Variants in ADAMTS9 observed in about 807,000 individuals in gnomAD.
ADAMTS9 encodes the protein ADAM metallopeptidase with thrombospondin type 1 motif 9.
ADAMTS9 carries 107 observed loss-of-function variants against 257.1 expected under a neutral mutation model. The observed-to-expected ratio is 0.42, with a 90% CI of 0.36 to 0.49. The LOEUF is 0.49. Ranked by LOEUF, ADAMTS9 falls within the 20% of genes least tolerant of loss-of-function variation. The pLI is 0.03. For synonymous variants in ADAMTS9, 982 were observed against 880.9 expected (o/e 1.11, Z -2.03); for missense variants, 2,353 against 2,469.1 (o/e 0.95, Z 1.00).
intron 16 of ADAMTS9, among the ~76,000 whole-genome samples, chr3:64,630,718 T>C (rs551614371): frequency 1.8e-4 from 28 of 152,318 alleles, no homozygotes; most frequent in African/African-American, 6.7e-4. Flanking sequence ...CAAATCACCA[T>C]GGCACACGTT....
At chr3:64,674,233 G>C (rs1701568951) in intron 3 of ADAMTS9, among the ~76,000 whole-genome samples, 1 of 151,950 alleles carries the variant, frequency 6.6e-6, no homozygotes, top group South Asian at 2.1e-4. Flanking sequence ...TGCTTATATT[G>C]ACTGTTTATT....
At chr3:64,574,559 C>CAAAAA (rs34194727) in intron 28 of ADAMTS9, among the ~76,000 whole-genome samples, 1,792 of 80,642 alleles carry the variant, frequency 0.022, 96 homozygotes, top group African/African-American at 0.065. Flanking sequence ...CCCATCTCTA[C>CAAAAA]AAAAAAAAAA....
At chr3:64,635,495 G>A (rs533152285) in intron 12 of ADAMTS9, among the ~76,000 whole-genome samples, 1 of 152,212 alleles carries the variant, frequency 6.6e-6, no homozygotes, top group African/African-American at 2.4e-5. Flanking sequence ...GTCTACGTCT[G>A]TCTGTTTCTG....
chr3:64,626,454 C>A (rs909466043), intron 16 of ADAMTS9, among the ~76,000 whole-genome samples: 1 of 152,102 alleles, frequency 6.6e-6, no homozygotes, highest in Non-Finnish European at 1.5e-5. Context: ...GTAAATTGCT[C>A]ATTTTGTTAG....
At chr3:64,680,869 A>C (rs1701736436) in intron 3 of ADAMTS9, among the ~76,000 whole-genome samples, 1 of 152,180 alleles carries the variant, frequency 6.6e-6, no homozygotes, top group African/African-American at 2.4e-5. Flanking sequence ...GGGTGCTACT[A>C]TCATGACCTG....
At chr3:64,523,631 A>ATTATTCAT (rs2082877537) in intron 38 of ADAMTS9, among the ~76,000 whole-genome samples, 1 of 152,184 alleles carries the variant, frequency 6.6e-6, no homozygotes, top group South Asian at 2.1e-4. Context: ...TATTCACTGT[A>ATTATTCAT]TTATTCATTT....
chr3:64,550,660 A>C (rs2083258534), intron 31 of ADAMTS9: 4 of 515,118 alleles, frequency 7.8e-6, no homozygotes, highest in Non-Finnish European at 6.8e-6. Context: ...TGAATCACAG[A>C]ATGTAGACCT....
At chr3:64,655,525 C>T in intron 6 of ADAMTS9, 51 bp downstream of exon 6, 1 of 1,442,138 alleles carries the variant, frequency 6.9e-7, no homozygotes, top group East Asian at 2.3e-5. Context: ...GACCACATCC[C>T]ATCAACTTGA....
chr3:64,671,597 T>G (rs1440852881), intron 3 of ADAMTS9, among the ~76,000 whole-genome samples: 1 of 152,248 alleles, frequency 6.6e-6, no homozygotes, highest in Non-Finnish European at 1.5e-5. Flanking sequence ...ACTGCATTTT[T>G]AACATTCATT....
chr3:64,596,189 T>C (rs1174833165), intron 27 of ADAMTS9, among the ~76,000 whole-genome samples: 1 of 152,174 alleles, frequency 6.6e-6, no homozygotes, highest in Non-Finnish European at 1.5e-5. Context: ...TTGGCAAAGA[T>C]ACTACATTAT....
chr3:64,601,795 C>T (rs997767401), intron 26 of ADAMTS9, 149 bp downstream of exon 26: 45 of 919,168 alleles, frequency 4.9e-5, no homozygotes, highest in African/African-American at 1.2e-4. Context: ...CTGTAATTAA[C>T]CCATTACAAG....
At chr3:64,591,306 G>C (rs763021867) in intron 28 of ADAMTS9, among the ~76,000 whole-genome samples, 22 of 152,016 alleles carry the variant, frequency 1.4e-4, no homozygotes, top group Admixed American at 3.3e-4. Flanking sequence ...CAGGTGTGGT[G>C]GTGGGCACCT....
At chr3:64,599,594 T>C (rs1475633178) in intron 26 of ADAMTS9, among the ~76,000 whole-genome samples, 1 of 152,218 alleles carries the variant, frequency 6.6e-6, no homozygotes, top group African/African-American at 2.4e-5. Context: ...TGCCCTATTG[T>C]GGTCAGAGGT....
intron 19 of ADAMTS9, 72 bp from the exon 20 acceptor site, chr3:64,616,242 T>C (rs1233629837): frequency 1.3e-5 from 19 of 1,502,570 alleles, no homozygotes; most frequent in Non-Finnish European, 1.7e-5. Flanking sequence ...TCAACTGGTA[T>C]TCATAGAAGA....
intron 14 of ADAMTS9, among the ~76,000 whole-genome samples, chr3:64,632,909 C>T (rs957550078): frequency 7.2e-5 from 11 of 151,890 alleles, no homozygotes; most frequent in African/African-American, 2.7e-4. Flanking sequence ...TTTTGACTAA[C>T]GAGAACGTTG....
chr3:64,543,254 C>G (rs2083151831), intron 32 of ADAMTS9, among the ~76,000 whole-genome samples: 1 of 152,214 alleles, frequency 6.6e-6, no homozygotes, highest in Admixed American at 6.5e-5. Context: ...GGAATCCTCC[C>G]TAACACATTT....
intron 3 of ADAMTS9, among the ~76,000 whole-genome samples, chr3:64,667,160 C>T (rs1336829971): frequency 1.3e-5 from 2 of 152,126 alleles, no homozygotes; most frequent in Non-Finnish European, 2.9e-5. Context: ...TGGCCTGAAC[C>T]TTTATAAACT....
At chr3:64,525,978 A>G (rs1484054649) in intron 38 of ADAMTS9, among the ~76,000 whole-genome samples, 1 of 147,794 alleles carries the variant, frequency 6.8e-6, no homozygotes, top group Non-Finnish European at 1.5e-5. Context: ...TATGTATAAA[A>G]TTTATATAAA....
intron 8 of ADAMTS9, among the ~76,000 whole-genome samples, chr3:64,654,067 C>T (rs1391172549): frequency 2.6e-5 from 4 of 152,148 alleles, no homozygotes; most frequent in Non-Finnish European, 5.9e-5. Flanking sequence ...CCCATTTCTC[C>T]AGTTCCCAGT....
Sources: allele counts gnomAD v4.1 joint callset (sites outside exome capture counted in the v4.1 genomes callset), GRCh38; gene constraint gnomAD v4.1.1; transcripts MANE v1.5; gene names NCBI Gene and HGNC (gene_info 2026-07-23, HGNC 2026-07-21).